Variants in ATAD2B observed in about 807,000 individuals in gnomAD.
The protein encoded by ATAD2B is ATPase family AAA domain-containing protein 2B.
ATAD2B carries 40 observed loss-of-function variants against 167.6 expected under a neutral mutation model. The ratio of observed to expected loss-of-function variants is 0.24; its 90% confidence interval spans 0.19 to 0.31. The LOEUF (loss-of-function observed/expected upper bound fraction) is 0.31, where lower values mean the gene tolerates loss of function less well. Among genes scored for constraint, ATAD2B ranks in the 10% least tolerant of loss-of-function variants. The pLI is 1.00. For missense variants in ATAD2B, 1,242 were observed against 1,757.2 expected, an observed-to-expected ratio of 0.71 and a Z score of 5.24; for synonymous variants, 579 against 596.5, an observed-to-expected ratio of 0.97 and a Z score of 0.43.
At chr2:23,748,619 T>C (rs1339476507), downstream of ATAD2B, 1 of 152,184 alleles carries the variant, frequency 6.6e-6, no homozygotes, top group Non-Finnish European at 1.5e-5. Flanking sequence ...AAAGTAGCAC[T>C]GCATTTGTAG....
chr2:23,792,363 C>T (rs989637239), intron 19 of ATAD2B, among the ~76,000 whole-genome samples: 1 of 151,174 alleles, frequency 6.6e-6, no homozygotes, highest in Non-Finnish European at 1.5e-5. Flanking sequence ...TTTGTTTTAT[C>T]GAATTTATTA....
chr2:23,684,810 G>A, the ATAD2B span, among the ~76,000 whole-genome samples: 13 of 151,924 alleles, frequency 8.6e-5, no homozygotes, highest in South Asian at 6.3e-4. This position sits in a 1 kb window ranked among gnomAD's most constrained non-coding sequence, Gnocchi z 4.4. Flanking sequence ...AGACAACACC[G>A]TGCCCCACCC....
rs1676120572 is a variant in ATAD2B, at chr2:23,757,763, C to T, written c.3733G>A (p.Val1245Ile). The T allele has an allele frequency of 6.3e-7, 1 of 1,592,952 alleles. No homozygotes were observed. The highest frequency in any genetic ancestry group is 1.4e-5 in the African/African-American group (1 of 73,628). Residue 1245 changes from valine to isoleucine, a missense_variant, in exon 25 of 28, where the codon GTC (valine) becomes ATC (isoleucine). Transcript: ENST00000238789. ...GGGTTTAAGGAACTGCTGCTGTTGA[C>T]CAGTAGAGATTCATTTGAACTTTCC... ...EEESSNESLLVNSSSSLNPEQ... is the reference protein window; with the variant it reads ...EEESSNESLLINSSSSLNPEQ...
chr2:23,911,968 T>G (rs1702374572), intron 1 of ATAD2B, among the ~76,000 whole-genome samples: 1 of 146,332 alleles, frequency 6.8e-6, no homozygotes, highest in Non-Finnish European at 1.5e-5. Context: ...CAGAACAAGA[T>G]TCCATCTCAA....
chr2:23,706,404 ACACGAC>A, the ATAD2B span: 226 of 1,184,154 alleles, frequency 1.9e-4, no homozygotes, highest in African/African-American at 3.3e-3. Context: ...CTACAACAGG[ACACGAC>A]GTTGAGAACC....
In ATAD2B at chr2:23,856,457, A is replaced by G. The variant is rs558606614; in HGVS notation, c.1568+958T>C. Reference sequence around the variant, plus strand: ...TATCATAATAGCTAAAAATAGAAGCAAAACAAATCTCCCATCAGATGGTAG... The same window carrying G: ...TATCATAATAGCTAAAAATAGAAGCGAAACAAATCTCCCATCAGATGGTAG... On this transcript the variant is annotated intron_variant, in intron 13 of 27. Coordinates refer to ENST00000238789, the MANE Select transcript of ATAD2B (RefSeq NM_017552.4). The G allele has an allele frequency of 2.5e-4, 106 of 420,468 alleles. 1 individual carries two copies. The highest frequency in any genetic ancestry group is 1.7e-3 in the South Asian group (96 of 56,372). The allele number at this position is 420,468 out of a possible 1,614,324, so 26.0% of individuals were successfully genotyped here.
chr2:23,817,887 G>C (rs1426961499), intron 17 of ATAD2B, among the ~76,000 whole-genome samples: 2 of 151,916 alleles, frequency 1.3e-5, no homozygotes, highest in African/African-American at 2.4e-5. Context: ...TTAAATCAGT[G>C]GCAGGAAATG....
intron 25 of ATAD2B, among the ~76,000 whole-genome samples, chr2:23,755,536 G>T (rs1473940357): frequency 6.6e-6 from 1 of 152,250 alleles, no homozygotes; most frequent in African/African-American, 2.4e-5. Context: ...CTACTCTTAA[G>T]AGGAGGATGA....
chr2:23,693,253 G>C, the ATAD2B span: 5 of 1,537,548 alleles, frequency 3.3e-6, no homozygotes, highest in Admixed American at 9.9e-5. Flanking sequence ...CAGTGGTCCT[G>C]CGCTGTCGCC....
chr2:23,886,739 G>A (rs1290944303), intron 4 of ATAD2B, among the ~76,000 whole-genome samples: 2 of 148,664 alleles, frequency 1.3e-5, no homozygotes, highest in African/African-American at 5.0e-5. Context: ...AGACCATCCT[G>A]GCTAACACGG....
chr2:23,683,338 C>T, the ATAD2B span, among the ~76,000 whole-genome samples: 1 of 152,256 alleles, frequency 6.6e-6, no homozygotes, highest in Non-Finnish European at 1.5e-5. Flanking sequence ...ATCAGGGCCT[C>T]TGACGCGCAG....
At chr2:23,843,537 G>A (rs990916484) in intron 13 of ATAD2B, among the ~76,000 whole-genome samples, 2 of 152,216 alleles carry the variant, frequency 1.3e-5, no homozygotes, top group African/African-American at 4.8e-5. Context: ...CCTGGCAGAG[G>A]CCAGCTAACT....
chr2:23,686,647 G>A, the ATAD2B span, among the ~76,000 whole-genome samples: 1 of 152,186 alleles, frequency 6.6e-6, no homozygotes, highest in African/African-American at 2.4e-5. Flanking sequence ...GGCCAGTGTC[G>A]GGAGAGCTGG....
intron 27 of ATAD2B, among the ~76,000 whole-genome samples, chr2:23,753,525 G>T (rs1473062453): frequency 6.6e-6 from 1 of 152,082 alleles, no homozygotes; most frequent in Non-Finnish European, 1.5e-5. Context: ...GACCTGAAAA[G>T]GCAGAAGTGT....
the ATAD2B span, among the ~76,000 whole-genome samples, chr2:23,743,586 A>AGT: frequency 6.7e-6 from 1 of 149,450 alleles, no homozygotes; most frequent in Non-Finnish European, 1.5e-5. Context: ...AAAGAGAGAG[A>AGT]GAGTTGGATT....
At chr2:23,895,992 G>A (rs774246190) in intron 1 of ATAD2B, 22 bp from the exon 2 acceptor site, 3 of 1,586,050 alleles carry the variant, frequency 1.9e-6, no homozygotes, top group East Asian at 4.5e-5. Flanking sequence ...TGTTAAAAAT[G>A]TATTTATTAT....
chr2:23,781,376 A>ATAAATAAAT (rs1553382247), intron 22 of ATAD2B, among the ~76,000 whole-genome samples: 2 of 147,944 alleles, frequency 1.4e-5, no homozygotes, highest in African/African-American at 5.2e-5. Context: ...AAATAAATAA[A>ATAAATAAAT]TAATCAGGCT....
At chr2:23,822,341 C>T (rs889963938) in intron 16 of ATAD2B, among the ~76,000 whole-genome samples, 38 of 151,954 alleles carry the variant, frequency 2.5e-4, no homozygotes, top group African/African-American at 8.9e-4. Flanking sequence ...TGGAGACCAG[C>T]CTGATCAATA....
chr2:23,834,223 G>A (rs1395053476), intron 13 of ATAD2B, 145 bp from the exon 14 acceptor site: 3 of 521,890 alleles, frequency 5.7e-6, no homozygotes, highest in Non-Finnish European at 9.2e-6. Context: ...GGGCAGTGGT[G>A]CAATCTCGGC....
Sources: gnomAD v4.1 joint callset for allele counts (sites outside exome capture counted in the v4.1 genomes callset) on GRCh38, gnomAD v4.1.1 for gene constraint, Gnocchi (gnomAD v3.1) non-coding constraint, MANE v1.5 for transcripts, NCBI Gene and HGNC (gene_info 2026-07-23, HGNC 2026-07-21) for gene names.